SKAP1: variants seen among roughly 807,000 people sequenced by gnomAD.
SKAP1 encodes the protein src kinase-associated phosphoprotein 1.
A neutral mutation model predicts 58.5 loss-of-function variants in SKAP1; 44 were observed. The observed-to-expected ratio is 0.75, with a 90% CI of 0.59 to 0.97. SKAP1 has a LOEUF of 0.97. Ranked by LOEUF, SKAP1 falls within the 50% of genes least tolerant of loss-of-function variation. SKAP1 has a pLI of 0.00. For missense variants in SKAP1, 390 were observed against 435.2 expected, an observed-to-expected ratio of 0.90 and a Z score of 0.92; for synonymous variants, 127 against 149.7, an observed-to-expected ratio of 0.85 and a Z score of 1.11.
At chr17:48,142,837 G>C (rs1164002937) in intron 11 of SKAP1, among the ~76,000 whole-genome samples, 1 of 151,950 alleles carries the variant, frequency 6.6e-6, no homozygotes, top group Non-Finnish European at 1.5e-5. Context: ...ACAGGGTTTC[G>C]CTCTGTTGCC....
At chr17:48,365,436 A>C (rs1050494113) in intron 2 of SKAP1, among the ~76,000 whole-genome samples, 1 of 152,196 alleles carries the variant, frequency 6.6e-6, no homozygotes. Context: ...ATTATTCTTT[A>C]TCAATTTTTC....
chr17:48,327,414 C>G (rs2066453240), intron 4 of SKAP1, among the ~76,000 whole-genome samples: 1 of 152,212 alleles, frequency 6.6e-6, no homozygotes, highest in African/African-American at 2.4e-5. Flanking sequence ...TCACGGTTTT[C>G]AGACCAGGGT....
At chr17:48,158,557 G>A (rs2064020485) in intron 11 of SKAP1, among the ~76,000 whole-genome samples, 2 of 68,696 alleles carry the variant, frequency 2.9e-5, no homozygotes, top group Admixed American at 2.6e-4. Flanking sequence ...CACAGAGCGA[G>A]ACTCTGTCTC....
intron 4 of SKAP1, among the ~76,000 whole-genome samples, chr17:48,331,322 T>C (rs2066503911): frequency 6.6e-6 from 1 of 152,228 alleles, no homozygotes; most frequent in African/African-American, 2.4e-5. Context: ...CATTCTTCTA[T>C]AGCAACCAGG....
chr17:48,423,607 T>C (rs1242788586), intron 1 of SKAP1, among the ~76,000 whole-genome samples: 1 of 152,154 alleles, frequency 6.6e-6, no homozygotes, highest in Non-Finnish European at 1.5e-5. Context: ...TTAATTTAAT[T>C]AATAATTTAA....
chr17:48,363,032 G>C (rs996204605), intron 3 of SKAP1, among the ~76,000 whole-genome samples: 12 of 152,276 alleles, frequency 7.9e-5, no homozygotes, highest in Middle Eastern at 3.4e-3. Context: ...TTCTCAACCA[G>C]AGTACTAAAA....
chr17:48,262,081 C>T (rs2065491783), intron 4 of SKAP1, among the ~76,000 whole-genome samples: 1 of 152,180 alleles, frequency 6.6e-6, no homozygotes, highest in African/African-American at 2.4e-5. Context: ...ATGCTGCAAA[C>T]ATCTAAAAAT....
At chr17:48,374,181 C>T (rs368152838) in intron 2 of SKAP1, among the ~76,000 whole-genome samples, 14 of 151,396 alleles carry the variant, frequency 9.2e-5, no homozygotes, top group Admixed American at 1.3e-4. Flanking sequence ...ACTACAGGCA[C>T]GCTCCACCAT....
At chr17:48,195,390 G>T (rs1028197113) in intron 4 of SKAP1, among the ~76,000 whole-genome samples, 7 of 152,086 alleles carry the variant, frequency 4.6e-5, no homozygotes, top group African/African-American at 9.7e-5. Flanking sequence ...AACTTCCGTG[G>T]TTCCATTTGA....
chr17:48,360,058 T>C (rs1290459141), intron 3 of SKAP1, among the ~76,000 whole-genome samples: 2 of 152,212 alleles, frequency 1.3e-5, no homozygotes, highest in Admixed American at 6.5e-5. Context: ...CTCATAGAGA[T>C]ACTCAAAGAA....
chr17:48,251,171 T>C (rs1195598435), intron 4 of SKAP1, among the ~76,000 whole-genome samples: 2 of 152,250 alleles, frequency 1.3e-5, no homozygotes, highest in Admixed American at 1.3e-4. Flanking sequence ...TTGTTTATGT[T>C]GGATCCTGAC....
chr17:48,189,744 G>A (rs531014523), intron 4 of SKAP1, among the ~76,000 whole-genome samples: 6 of 150,914 alleles, frequency 4.0e-5, no homozygotes, highest in East Asian at 1.9e-4. Flanking sequence ...GCGCTATCTC[G>A]GCTCACTGCA....
the SKAP1 span, among the ~76,000 whole-genome samples, chr17:48,435,699 T>C: frequency 6.6e-6 from 1 of 152,242 alleles, no homozygotes; most frequent in Non-Finnish European, 1.5e-5. Flanking sequence ...CCTTACTTTT[T>C]ATCCTTTCTT....
At chr17:48,424,351 G>A (rs989396335) in intron 1 of SKAP1, among the ~76,000 whole-genome samples, 32 of 148,888 alleles carry the variant, frequency 2.1e-4, no homozygotes, top group African/African-American at 6.4e-4. Context: ...TCAGCCTCCC[G>A]AGTAGCTGGG....
intron 4 of SKAP1, among the ~76,000 whole-genome samples, chr17:48,296,506 G>C (rs1314977171): frequency 6.6e-6 from 1 of 152,156 alleles, no homozygotes; most frequent in Non-Finnish European, 1.5e-5. Flanking sequence ...CTTTAAAATT[G>C]TTTTGATGTT....
chr17:48,144,948 C>G (rs1010665598), intron 11 of SKAP1, among the ~76,000 whole-genome samples: 6 of 152,112 alleles, frequency 3.9e-5, no homozygotes, highest in African/African-American at 1.4e-4. Context: ...TACATGCTCA[C>G]TATTCCATAA....
At chr17:48,187,789 C>A in intron 6 of SKAP1, 54 bp downstream of exon 6, 1 of 1,268,884 alleles carries the variant, frequency 7.9e-7, no homozygotes. Context: ...TGAGAATTTA[C>A]GAAGTGTTTG....
intron 3 of SKAP1, among the ~76,000 whole-genome samples, chr17:48,363,010 A>C (rs1426819276): frequency 6.6e-6 from 1 of 152,224 alleles, no homozygotes; most frequent in Non-Finnish European, 1.5e-5. Flanking sequence ...ATTCAGGTTG[A>C]TGTTTCTGAC....
chr17:48,389,607 G>A (rs2067320742), intron 2 of SKAP1, among the ~76,000 whole-genome samples: 1 of 152,136 alleles, frequency 6.6e-6, no homozygotes, highest in African/African-American at 2.4e-5. Context: ...AGTTCCTGTG[G>A]GATTGATTTT....
Sources: allele counts gnomAD v4.1 joint callset (sites outside exome capture counted in the v4.1 genomes callset), GRCh38; gene constraint gnomAD v4.1.1; transcripts MANE v1.5; gene names NCBI Gene and HGNC (gene_info 2026-07-23, HGNC 2026-07-21).